The following GNA14 variants were observed in gnomAD, a reference collection of about 807,000 sequenced individuals.
The protein encoded by GNA14 is guanine nucleotide-binding protein subunit alpha-14.
A neutral mutation model predicts 42.0 loss-of-function variants in GNA14; 50 were observed. The observed-to-expected ratio is 1.19, with a 90% CI of 0.95 to 1.51. The LOEUF (loss-of-function observed/expected upper bound fraction) is 1.51. GNA14 is among the 40% of genes most tolerant of loss of function. The pLI, the probability that GNA14 is intolerant of heterozygous loss-of-function variation, is 0.00. For missense variants in GNA14, 473 were observed against 446.2 expected, an observed-to-expected ratio of 1.06 and a Z score of -0.54; for synonymous variants, 173 against 163.1, an observed-to-expected ratio of 1.06 and a Z score of -0.46.
chr9:77,643,255 T>C (rs1220031603), intron 1 of GNA14, among the ~76,000 whole-genome samples: 2 of 151,824 alleles, frequency 1.3e-5, no homozygotes, highest in African/African-American at 4.8e-5. Context: ...TTTTTTTTTT[T>C]TGAGACAGAG....
At chr9:77,510,084 C>T (rs7025855) in intron 2 of GNA14, among the ~76,000 whole-genome samples, 2,743 of 152,298 alleles carry the variant, frequency 0.018, 73 homozygotes, top group African/African-American at 0.062. Flanking sequence ...CAATCATCCT[C>T]AGAAGAAACC....
intron 1 of GNA14, among the ~76,000 whole-genome samples, chr9:77,615,083 G>A (rs1398071869): frequency 6.6e-6 from 1 of 152,230 alleles, no homozygotes; most frequent in African/African-American, 2.4e-5. Context: ...TTGGCACAGA[G>A]AGAAAGTTCT....
rs1824384745 is a variant in GNA14, at chr9:77,647,814, C to T, written c.-21G>A. ...GCCATGGTGCGCTCAGCTCAGTACCCGACGGGGCGACGCGGCCCCGGGCAC... is the reference window on the plus strand; with the variant it reads ...GCCATGGTGCGCTCAGCTCAGTACCTGACGGGGCGACGCGGCCCCGGGCAC... On this transcript the variant is annotated 5_prime_UTR_variant, in exon 1 of 7. Coordinates refer to ENST00000341700, the MANE Select transcript of GNA14 (RefSeq NM_004297.4). The T allele has an allele frequency of 1.3e-6, 2 of 1,599,672 alleles. No homozygotes were observed. Among genetic ancestry groups the T allele is most frequent in the Non-Finnish European group, 1.7e-6 (2 of 1,176,036 alleles).
chr9:77,572,207 G>A (rs1442736190), intron 1 of GNA14, among the ~76,000 whole-genome samples: 7 of 152,264 alleles, frequency 4.6e-5, no homozygotes, highest in African/African-American at 1.4e-4. Flanking sequence ...GGAACTAAAA[G>A]AAGGGCAATC....
intron 1 of GNA14, among the ~76,000 whole-genome samples, chr9:77,561,067 A>G (rs1822875649): frequency 6.6e-6 from 1 of 152,228 alleles, no homozygotes; most frequent in Non-Finnish European, 1.5e-5. Flanking sequence ...TGTTTTCACT[A>G]CAAACACTAA....
intron 3 of GNA14, among the ~76,000 whole-genome samples, chr9:77,433,349 A>G (rs895966684): frequency 6.6e-6 from 1 of 152,142 alleles, no homozygotes; most frequent in African/African-American, 2.4e-5. Flanking sequence ...CAGACTGAGG[A>G]GGCATTGCCC....
At chr9:77,645,869 A>C (rs1455021959) in intron 1 of GNA14, among the ~76,000 whole-genome samples, 1 of 152,198 alleles carries the variant, frequency 6.6e-6, no homozygotes, top group Non-Finnish European at 1.5e-5. Context: ...AATAGGGTTC[A>C]GCCTGCCCTT....
At chr9:77,595,542 G>T (rs1373247358) in intron 1 of GNA14, among the ~76,000 whole-genome samples, 1 of 152,168 alleles carries the variant, frequency 6.6e-6, no homozygotes, top group East Asian at 1.9e-4. Context: ...GGGCACCAGT[G>T]GGTTTTGGCC....
At chr9:77,573,917 T>C (rs760176890) in intron 1 of GNA14, among the ~76,000 whole-genome samples, 30 of 152,234 alleles carry the variant, frequency 2.0e-4, no homozygotes, top group South Asian at 2.1e-4. Flanking sequence ...AGAGTAACCA[T>C]TGTATTATTC....
chr9:77,490,552 G>A (rs1329452252), intron 2 of GNA14, among the ~76,000 whole-genome samples: 4 of 152,242 alleles, frequency 2.6e-5, no homozygotes, highest in Admixed American at 1.3e-4. Flanking sequence ...AAGGCCTGGT[G>A]AGAAATTGAA....
chr9:77,466,546 A>G (rs1456823441), intron 2 of GNA14, among the ~76,000 whole-genome samples: 1 of 152,070 alleles, frequency 6.6e-6, no homozygotes, highest in Non-Finnish European at 1.5e-5. Flanking sequence ...AGTTCTTTGA[A>G]TATATTCATA....
intron 2 of GNA14, among the ~76,000 whole-genome samples, chr9:77,464,032 G>A (rs139602674): frequency 0.011 from 1,705 of 152,110 alleles, 48 homozygotes; most frequent in African/African-American, 0.038. Context: ...ACAGGGTCTC[G>A]CTTTGTTGCC....
chr9:77,633,979 G>T (rs13289616), intron 1 of GNA14, among the ~76,000 whole-genome samples: 3 of 151,968 alleles, frequency 2.0e-5, no homozygotes, highest in Non-Finnish European at 4.4e-5. Context: ...CATTAGGTAT[G>T]ACAGAAAAAG....
At chr9:77,507,552 T>TA (rs1441060328) in intron 2 of GNA14, among the ~76,000 whole-genome samples, 11 of 152,126 alleles carry the variant, frequency 7.2e-5, no homozygotes, top group Non-Finnish European at 1.0e-4. Flanking sequence ...TTGGAATTCA[T>TA]AAAAAAACAG....
At chr9:77,460,416 C>T (rs1371560599) in intron 2 of GNA14, among the ~76,000 whole-genome samples, 1 of 152,232 alleles carries the variant, frequency 6.6e-6, no homozygotes, top group East Asian at 1.9e-4. Flanking sequence ...GGAACCAGCC[C>T]TGCCGACACC....
chr9:77,617,553 C>T (rs983858734), intron 1 of GNA14, among the ~76,000 whole-genome samples: 4 of 152,124 alleles, frequency 2.6e-5, no homozygotes, highest in Non-Finnish European at 5.9e-5. Context: ...GTCTTCCTGC[C>T]TCCACCATTA....
At chr9:77,483,692 G>T (rs12000978) in intron 2 of GNA14, among the ~76,000 whole-genome samples, 31 of 152,064 alleles carry the variant, frequency 2.0e-4, no homozygotes, top group Admixed American at 7.2e-4. Context: ...GAGGCAGGCT[G>T]GCCTCCTTTA....
chr9:77,487,983 G>A (rs1836690329), intron 2 of GNA14, among the ~76,000 whole-genome samples: 2 of 151,944 alleles, frequency 1.3e-5, no homozygotes, highest in Non-Finnish European at 2.9e-5. Context: ...CATCACATTT[G>A]ATACCAGGAC....
intron 2 of GNA14, among the ~76,000 whole-genome samples, chr9:77,471,593 G>T (rs1836330627): frequency 6.6e-6 from 1 of 152,186 alleles, no homozygotes. Flanking sequence ...TCTGAGCAGG[G>T]ACAGTGGGTG....
Sources: gnomAD v4.1 joint callset for allele counts (sites outside exome capture counted in the v4.1 genomes callset) on GRCh38, gnomAD v4.1.1 for gene constraint, MANE v1.5 for transcripts, NCBI Gene and HGNC (gene_info 2026-07-23, HGNC 2026-07-21) for gene names.